Variants in ADK observed in about 807,000 individuals in gnomAD.
ADK encodes adenosine kinase.
In ADK, 24 loss-of-function variants were observed where a neutral mutation model predicts 44.7. The ratio of observed to expected loss-of-function variants is 0.54; its 90% CI spans 0.39 to 0.76. The LOEUF (loss-of-function observed/expected upper bound fraction) is 0.76, where lower values mean the gene tolerates loss of function less well. ADK is among the 30% of genes least tolerant of loss of function. The pLI is 0.00. For synonymous variants in ADK, 128 were observed against 142.6 expected (o/e 0.90, Z 0.73); for missense variants, 321 against 425.1 (o/e 0.76, Z 2.15).
intron 6 of ADK, among the ~76,000 whole-genome samples, chr10:74,524,647 C>T (rs977952002): frequency 3.9e-5 from 6 of 152,166 alleles, no homozygotes; most frequent in African/African-American, 1.4e-4. Flanking sequence ...CCCACCTTGG[C>T]CTCCCAAAGT....
At chr10:74,656,100 G>A (rs1460081601) in intron 9 of ADK, 4 of 394,824 alleles carry the variant, frequency 1.0e-5, no homozygotes, top group Non-Finnish European at 1.5e-5. Context: ...GTGTTCCCCC[G>A]ATTTTGAATC....
chr10:74,223,567 TATGA>T (rs969103667), intron 2 of ADK, among the ~76,000 whole-genome samples: 2 of 152,134 alleles, frequency 1.3e-5, no homozygotes, highest in Non-Finnish European at 2.9e-5. Flanking sequence ...AAGGGTTGAG[TATGA>T]ATGAGAATTG....
At chr10:74,343,669 C>T (rs1471566428) in intron 4 of ADK, among the ~76,000 whole-genome samples, 1 of 152,158 alleles carries the variant, frequency 6.6e-6, no homozygotes, top group East Asian at 1.9e-4. Context: ...CGTGCAATGG[C>T]ATGATCTTGG....
intron 9 of ADK, among the ~76,000 whole-genome samples, chr10:74,649,979 T>G (rs1048091814): frequency 6.6e-6 from 1 of 152,226 alleles, no homozygotes; most frequent in African/African-American, 2.4e-5. Context: ...GTATGTTCTC[T>G]TCAATCTCAA....
intron 1 of ADK, among the ~76,000 whole-genome samples, chr10:74,180,737 C>G (rs151083075): frequency 6.6e-6 from 1 of 152,172 alleles, no homozygotes; most frequent in Non-Finnish European, 1.5e-5. Flanking sequence ...GGATTACAGG[C>G]GTGAGCAACC....
intron 10 of ADK, among the ~76,000 whole-genome samples, chr10:74,703,983 A>G (rs1761674331): frequency 6.6e-6 from 1 of 152,204 alleles, no homozygotes; most frequent in Admixed American, 6.5e-5. Context: ...CTGAATTTGG[A>G]ATCCTTTTCA....
intron 2 of ADK, among the ~76,000 whole-genome samples, chr10:74,201,943 T>C (rs1843411454): frequency 6.6e-6 from 1 of 152,140 alleles, no homozygotes; most frequent in Middle Eastern, 3.2e-3. Flanking sequence ...TTATATCGCA[T>C]AAAATTGATC....
At chr10:74,537,050 T>G (rs1261508625) in intron 7 of ADK, among the ~76,000 whole-genome samples, 1 of 152,174 alleles carries the variant, frequency 6.6e-6, no homozygotes, top group Non-Finnish European at 1.5e-5. Context: ...AGGTACACCA[T>G]TTTACATTCC....
chr10:74,286,128 C>T (rs1564633523), intron 3 of ADK, among the ~76,000 whole-genome samples: 1 of 152,160 alleles, frequency 6.6e-6, no homozygotes, highest in Admixed American at 6.5e-5. Context: ...TCATAGCTTA[C>T]TGTAACCTCA....
At chr10:74,371,486 C>T (rs11001018) in intron 4 of ADK, 460,002 of 680,148 alleles carry the variant, frequency 0.68, 160,363 homozygotes, top group Middle Eastern at 0.82. Context: ...GACGTCCATA[C>T]GGCGTTCTTT....
chr10:74,442,698 G>T (rs999351287), intron 6 of ADK, among the ~76,000 whole-genome samples: 2 of 152,066 alleles, frequency 1.3e-5, no homozygotes, highest in African/African-American at 4.8e-5. Context: ...GTATGTTGAA[G>T]AGATATTTGT....
intron 3 of ADK, among the ~76,000 whole-genome samples, chr10:74,267,357 C>G (rs546888360): frequency 4.5e-4 from 69 of 152,262 alleles, no homozygotes; most frequent in African/African-American, 1.6e-3. Flanking sequence ...ACAGGGCCAA[C>G]TGTGGTACTT....
intron 6 of ADK, among the ~76,000 whole-genome samples, chr10:74,438,011 A>T (rs1845244991): frequency 6.6e-6 from 1 of 152,146 alleles, no homozygotes; most frequent in Non-Finnish European, 1.5e-5. Context: ...CATTCAACTC[A>T]AATGCCATCC....
At chr10:74,185,077 T>C (rs1193767343) in intron 1 of ADK, among the ~76,000 whole-genome samples, 1 of 152,170 alleles carries the variant, frequency 6.6e-6, no homozygotes, top group Admixed American at 6.5e-5. Context: ...CCTACATGGG[T>C]GTTTTGAAGA....
At chr10:74,512,908 G>T (rs965408214) in intron 6 of ADK, among the ~76,000 whole-genome samples, 1 of 151,704 alleles carries the variant, frequency 6.6e-6, no homozygotes, top group Non-Finnish European at 1.5e-5. Context: ...CTATAAACTT[G>T]ACTCTGAATA....
chr10:74,315,661 AT>A (rs1840594143), intron 4 of ADK, among the ~76,000 whole-genome samples: 2 of 152,176 alleles, frequency 1.3e-5, no homozygotes, highest in Admixed American at 6.5e-5. Flanking sequence ...TTCCCCTTGA[AT>A]TCTGATTAAC....
chr10:74,363,346 C>T (rs1003036728), intron 4 of ADK, among the ~76,000 whole-genome samples: 28 of 152,242 alleles, frequency 1.8e-4, no homozygotes, highest in Admixed American at 1.8e-3. Context: ...GGGTGTGCAT[C>T]GCCCTGAATG....
At chr10:74,643,008 T>G in intron 9 of ADK, among the ~76,000 whole-genome samples, 1 of 151,802 alleles carries the variant, frequency 6.6e-6, no homozygotes, top group South Asian at 2.1e-4. Flanking sequence ...TCTGGCTAAC[T>G]TTTTTTATTT....
chr10:74,317,445 C>A (rs1219999806), intron 4 of ADK, among the ~76,000 whole-genome samples: 1 of 151,574 alleles, frequency 6.6e-6, no homozygotes, highest in African/African-American at 2.4e-5. Flanking sequence ...AATGGAAAAA[C>A]GTTGGCATTG....
Sources: gnomAD v4.1 joint callset for allele counts (sites outside exome capture counted in the v4.1 genomes callset) on GRCh38, gnomAD v4.1.1 for gene constraint, MANE v1.5 for transcripts, NCBI Gene and HGNC (gene_info 2026-07-23, HGNC 2026-07-21) for gene names.